CELF5: variants seen among roughly 807,000 people sequenced by gnomAD.
CELF5 encodes the protein CUG-BP and ETR-3 like factor 5.
A neutral mutation model predicts 54.9 loss-of-function variants in CELF5; 6 were observed. The observed-to-expected ratio is 0.11, with a 90% CI of 0.06 to 0.22. CELF5 has a LOEUF of 0.22. Ranked by LOEUF, CELF5 falls within the 10% of genes least tolerant of loss-of-function variation. CELF5 has a pLI of 1.00. For synonymous variants in CELF5, 271 were observed against 290.9 expected, an observed-to-expected ratio of 0.93 and a Z score of 0.70; for missense variants, 401 against 678.6, an observed-to-expected ratio of 0.59 and a Z score of 4.54.
At chr19:3,238,523 G>T (rs2079448349) in intron 1 of CELF5, among the ~76,000 whole-genome samples, 1 of 152,126 alleles carries the variant, frequency 6.6e-6, no homozygotes, top group South Asian at 2.1e-4. Flanking sequence ...CCAAGGGGAG[G>T]GTCCTTCCTG....
intron 1 of CELF5, among the ~76,000 whole-genome samples, chr19:3,250,033 G>A (rs565768639): frequency 3.3e-5 from 5 of 152,226 alleles, no homozygotes; most frequent in South Asian, 2.1e-4. Context: ...CACCCTTTGC[G>A]GGGGTGTATG....
chr19:3,294,651 A>G (rs188367622), intron 12 of CELF5: 1 of 151,166 alleles, frequency 6.6e-6, no homozygotes, highest in Non-Finnish European at 1.5e-5. Context: ...TTTTTTTTTT[A>G]ACTGAGCATC....
At chr19:3,229,927 A>C (rs1286927762) in intron 1 of CELF5, among the ~76,000 whole-genome samples, 1 of 152,014 alleles carries the variant, frequency 6.6e-6, no homozygotes, top group Non-Finnish European at 1.5e-5. Context: ...CCCTTCTTCT[A>C]TGGGGCTCAC....
At chr19:3,296,434 G>GAAAAAAAAAAAAAAAAAAAAAAAAAA (rs5826810) in intron 12 of CELF5, 7 of 54,870 alleles carry the variant, frequency 1.3e-4, no homozygotes, top group Admixed American at 4.7e-4. Flanking sequence ...AAACCACACA[G>GAAAAAAAAAAAAAAAAAAAAAAAAAA]AAAAAAAAAA....
At chr19:3,230,372 C>A (rs145682464) in intron 1 of CELF5, among the ~76,000 whole-genome samples, 2 of 152,330 alleles carry the variant, frequency 1.3e-5, no homozygotes, top group East Asian at 3.9e-4. Flanking sequence ...GAAACACTTA[C>A]TGTGTTCCAG....
At chr19:3,235,439 G>A (rs1313552950) in intron 1 of CELF5, among the ~76,000 whole-genome samples, 1 of 134,486 alleles carries the variant, frequency 7.4e-6, no homozygotes, top group Admixed American at 8.2e-5. Flanking sequence ...ACCTTTGTGT[G>A]TACTGCTGTG....
chr19:3,236,623 C>T (rs1483980902), intron 1 of CELF5, among the ~76,000 whole-genome samples: 1 of 152,052 alleles, frequency 6.6e-6, no homozygotes, highest in African/African-American at 2.4e-5. Flanking sequence ...CCACCACCAT[C>T]GGTGCATCGT....
Position 3,278,187 on chromosome 19 carries a change from T to G in CELF5, c.603+77T>G. ...GGGGACAGGGATGAAACAGGCCATA[T>G]TCCTACCGTCGCTGTCATCCGGTAG... On this transcript the variant is annotated intron_variant, in intron 5 of 12. Transcript: ENST00000292672. This position sits in a 1 kb window ranked among gnomAD's most constrained non-coding sequence, Gnocchi z 4.5. 3.0e-6 allele frequency: 3 copies of G among 1,010,294 alleles called. No homozygotes were observed. The highest frequency in any genetic ancestry group is 3.0e-6 in the Non-Finnish European group (2 of 673,748). The allele number at this position is 1,010,294 out of a possible 1,614,324, so 62.6% of individuals were successfully genotyped here. A position where few individuals can be genotyped will look rare whatever the true frequency, so the allele number is the denominator to read the frequency against.
At chr19:3,285,313 T>TAACTC (rs2080221809) in intron 9 of CELF5, among the ~76,000 whole-genome samples, 1 of 149,168 alleles carries the variant, frequency 6.7e-6, no homozygotes, top group South Asian at 2.1e-4. Context: ...CCCTGCCCCT[T>TAACTC]ACCCTCCCTC....
At chr19:3,289,419 C>T (rs960292223) in intron 10 of CELF5, among the ~76,000 whole-genome samples, 2 of 152,022 alleles carry the variant, frequency 1.3e-5, no homozygotes, top group South Asian at 2.1e-4. Flanking sequence ...CAATGGCTCA[C>T]GCCTGTAATC....
chr19:3,279,960 C>T (rs1357446447), intron 5 of CELF5, among the ~76,000 whole-genome samples: 1 of 152,178 alleles, frequency 6.6e-6, no homozygotes. Context: ...ACCTTGGCCT[C>T]CCAAAGTGCT....
chr19:3,279,688 G>GA (rs2080115029), intron 5 of CELF5, among the ~76,000 whole-genome samples: 1 of 76 alleles, frequency 0.013, no homozygotes, highest in Non-Finnish European at 0.025. Context: ...ATGGCCTCCT[G>GA]GCCCCTGCCT....
At chr19:3,270,142 C>T (rs2079936904) in intron 2 of CELF5, among the ~76,000 whole-genome samples, 1 of 152,120 alleles carries the variant, frequency 6.6e-6, no homozygotes, top group Non-Finnish European at 1.5e-5. Context: ...CAGCTCCAAC[C>T]CTGACCCCAT....
chr19:3,260,273 C>T (rs1009812017), intron 2 of CELF5, among the ~76,000 whole-genome samples: 12 of 151,542 alleles, frequency 7.9e-5, no homozygotes, highest in East Asian at 2.0e-4. Flanking sequence ...CCCACCACCA[C>T]GCCCAGCTAA....
At chr19:3,258,087 A>C (rs1174236603) in intron 2 of CELF5, among the ~76,000 whole-genome samples, 1 of 151,568 alleles carries the variant, frequency 6.6e-6, no homozygotes, top group Non-Finnish European at 1.5e-5. Context: ...CGGCCTCCCA[A>C]CCTGGAATTA....
intron 1 of CELF5, 45 bp from the exon 2 acceptor site, chr19:3,250,940 G>C (rs375148483): frequency 1.9e-5 from 28 of 1,441,322 alleles, no homozygotes; most frequent in Non-Finnish European, 2.6e-5. Flanking sequence ...TGTGACCATG[G>C]GTGTGCCCGT....
At chr19:3,277,897 CT>C (rs1156472799) in intron 4 of CELF5, 133 bp from the exon 5 acceptor site, 5 of 665,670 alleles carry the variant, frequency 7.5e-6, no homozygotes. Flanking sequence ...GGCTGTCTTT[CT>C]GTTATCAGTT....
chr19:3,254,309 G>A (rs538297143), intron 2 of CELF5, among the ~76,000 whole-genome samples: 2 of 151,194 alleles, frequency 1.3e-5, no homozygotes, highest in African/African-American at 2.4e-5. Flanking sequence ...CTGCCCATGT[G>A]TCTACATGCC....
chr19:3,258,964 A>G (rs559112104), intron 2 of CELF5, among the ~76,000 whole-genome samples: 1 of 152,236 alleles, frequency 6.6e-6, no homozygotes, highest in Non-Finnish European at 1.5e-5. Flanking sequence ...GTGACCACAG[A>G]ACCAATGACC....
Sources: allele counts gnomAD v4.1 joint callset (sites outside exome capture counted in the v4.1 genomes callset), GRCh38; gene constraint gnomAD v4.1.1; non-coding constraint Gnocchi (gnomAD v3.1); transcripts MANE v1.5; gene names NCBI Gene and HGNC (gene_info 2026-07-23, HGNC 2026-07-21).